The following RYR3 variants were observed in gnomAD, a reference collection of about 807,000 sequenced individuals.
RYR3 encodes the protein ryanodine receptor 3.
A neutral mutation model predicts 584.3 loss-of-function variants in RYR3; 207 were observed. That is an observed-to-expected ratio of 0.35 (90% CI 0.32 to 0.40). The LOEUF is 0.40. Ranked by LOEUF, RYR3 falls within the 10% of genes least tolerant of loss-of-function variation. The pLI, the probability that RYR3 is intolerant of heterozygous loss-of-function variation, is 1.00. For missense variants in RYR3, 5,616 were observed against 6,089.2 expected (o/e 0.92, Z 2.59); for synonymous variants, 2,416 against 2,248.5 (o/e 1.07, Z -2.11).
intron 32 of RYR3, among the ~76,000 whole-genome samples, chr15:33,656,944 G>A (rs966680644): frequency 6.6e-6 from 1 of 152,134 alleles, no homozygotes; most frequent in Non-Finnish European, 1.5e-5. Context: ...AGGCCAAATG[G>A]TTAGTACAAT....
intron 3 of RYR3, among the ~76,000 whole-genome samples, chr15:33,512,773 G>A (rs1595381152): frequency 6.6e-6 from 1 of 152,172 alleles, no homozygotes; most frequent in Non-Finnish European, 1.5e-5. Context: ...TTTGTTGGTG[G>A]TGGTGGTTGT....
intron 60 of RYR3, among the ~76,000 whole-genome samples, chr15:33,765,632 CAAAAAAAAA>C (rs761552773): frequency 3.3e-5 from 2 of 60,952 alleles, no homozygotes; most frequent in African/African-American, 1.1e-4. Context: ...GACTCCGTCT[CAAAAAAAAA>C]AAAAAAAAAA....
At position 33,628,568 on chromosome 15, in the gene RYR3, T is replaced by G; in HGVS notation, c.2672T>G (p.Phe891Cys). 2 of 1,609,302 alleles carry G rather than the reference T, an allele frequency of 1.2e-6. No individual in the cohort carries two copies. Among genetic ancestry groups the G allele is most frequent in the Non-Finnish European group, 8.5e-7 (1 of 1,175,690 alleles). ...GMNKIELGWT[F>C]GKIRDDNKRQ... ...AATAAAATAGAACTTGGCTGGACTT[T>G]CGGCAAGGTATGTGTCTCAGGGCCA... Residue 891 changes from phenylalanine (F) to cysteine (C), a missense_variant, in exon 21 of 104, where the codon TTC (phenylalanine) becomes TGC (cysteine). By Grantham distance (205) the Phe-to-Cys change is radical (BLOSUM62 -2). Around this residue, in one of 9 missense-constraint regions of RYR3, gnomAD observed 1,284 missense variants for 1,344.6 expected, o/e 0.95. Coordinates refer to ENST00000634891, the MANE Select transcript of RYR3 (RefSeq NM_001036.6).
intron 98 of RYR3, chr15:33,856,096 C>T (rs2079629443): frequency 6.6e-6 from 1 of 152,202 alleles, no homozygotes. Flanking sequence ...AGAACTGAGG[C>T]TCAGAGCAGC....
Position 33,748,457 on chromosome 15 carries a change from T to G in RYR3, c.8137-11T>G. The G allele has an allele frequency of 6.2e-7, 1 of 1,612,924 alleles. No individual in the cohort carries two copies. The highest frequency in any genetic ancestry group is 8.5e-7 in the Non-Finnish European group (1 of 1,179,478). Reference sequence around the variant, plus strand: ...AATGGCAACCCAGTGACTCTGCCTTTGCTTTCCTAGGGCAACAGCTACAGT... The same window carrying G: ...AATGGCAACCCAGTGACTCTGCCTTGGCTTTCCTAGGGCAACAGCTACAGT... On this transcript the variant is annotated splice_polypyrimidine_tract_variant and intron_variant, in intron 54 of 103. Coordinates refer to ENST00000634891, the MANE Select transcript of RYR3 (RefSeq NM_001036.6).
At chr15:33,748,671 A>C in intron 55 of RYR3, 141 bp downstream of exon 55, 1 of 745,578 alleles carries the variant, frequency 1.3e-6, no homozygotes. Flanking sequence ...CACCTTGTGC[A>C]GAGGCCACAG....
rs552944294 is a variant in RYR3, at chr15:33,810,415, A to G, written c.10027-64A>G. The G allele has an allele frequency of 6.4e-6, 10 of 1,559,010 alleles. No homozygotes were observed. The South Asian group carries it at 1.2e-4, about 18-fold the overall frequency. On this transcript the variant is annotated intron_variant, in intron 70 of 103. Coordinates refer to ENST00000634891, the MANE Select transcript of RYR3 (RefSeq NM_001036.6). ...CACAAGGAGGCAGGCTGCCTCTGACAGGAGGCCGTTCCTTTGGGAGAATCA... is the reference window on the plus strand; with the variant it reads ...CACAAGGAGGCAGGCTGCCTCTGACGGGAGGCCGTTCCTTTGGGAGAATCA...
intron 94 of RYR3, chr15:33,850,556 A>G (rs1313514532): frequency 1.3e-5 from 2 of 150,326 alleles, no homozygotes; most frequent in Non-Finnish European, 2.9e-5. Context: ...AATGTTAGAT[A>G]GACCAATGTT....
chr15:33,706,606 A>G (rs773350196), intron 42 of RYR3, among the ~76,000 whole-genome samples: 1 of 152,192 alleles, frequency 6.6e-6, no homozygotes, highest in African/African-American at 2.4e-5. Context: ...GTACGTATAT[A>G]TCACGTTTTG....
At chr15:33,738,612 C>T in intron 50 of RYR3, 22 bp downstream of exon 50, 2 of 1,610,672 alleles carry the variant, frequency 1.2e-6, no homozygotes, top group South Asian at 1.1e-5. Context: ...ACTTTCTGAA[C>T]AAAAAGAGAG....
At chr15:33,450,828 G>C (rs1242521123) in intron 1 of RYR3, among the ~76,000 whole-genome samples, 1 of 152,104 alleles carries the variant, frequency 6.6e-6, no homozygotes, top group Non-Finnish European at 1.5e-5. Flanking sequence ...GCAATCCTGT[G>C]TGTCTCCTAT....
chr15:33,854,358 A>T lies in RYR3; in HGVS notation c.13800-31A>T, dbSNP rs115350570. On this transcript the variant is annotated intron_variant, in intron 96 of 103. Coordinates refer to ENST00000634891, the MANE Select transcript of RYR3 (RefSeq NM_001036.6). ...AGCACTTAACTACCTCTTGACATTT[A>T]TAAGTTTTAAAATCACTTGTTCTTC... 3,058 of 1,538,714 alleles carry T rather than the reference A, an allele frequency of 2.0e-3. 61 individuals carry two copies. The African/African-American group carries it at 0.036, about 18-fold the overall frequency.
chr15:33,394,966 A>G (rs1157803292), intron 1 of RYR3, among the ~76,000 whole-genome samples: 2 of 151,714 alleles, frequency 1.3e-5, no homozygotes, highest in African/African-American at 4.8e-5. Context: ...AAAAACACAT[A>G]CTGATACCCG....
At chr15:33,404,823 A>C (rs955756429) in intron 1 of RYR3, among the ~76,000 whole-genome samples, 1 of 152,210 alleles carries the variant, frequency 6.6e-6, no homozygotes, top group African/African-American at 2.4e-5. Flanking sequence ...ATTTGTATAC[A>C]TAACTTTTAT....
In RYR3 at chr15:33,476,270, G is replaced by A. The variant is rs190698956; in HGVS notation, c.171+2732G>A. On this transcript the variant is annotated intron_variant, in intron 2 of 103. Transcript: ENST00000634891. ...TCTGAGAATGCTTTGTATCCCTCAG[G>A]CATAGAAACGATAAGTCATACACTC... 2.4e-4 allele frequency among the ~76,000 whole-genome samples: 37 copies of A among 152,274 alleles called. No individual in the cohort carries two copies. The East Asian group carries it at 6.9e-3, about 29-fold the overall frequency.
chr15:33,462,022 GGTTT>G (rs1212988489), intron 1 of RYR3, among the ~76,000 whole-genome samples: 4 of 152,058 alleles, frequency 2.6e-5, no homozygotes, highest in African/African-American at 4.8e-5. Context: ...TATGTTTTTT[GGTTT>G]GTTTGTTTAA....
intron 1 of RYR3, among the ~76,000 whole-genome samples, chr15:33,465,257 A>G (rs1170293340): frequency 6.6e-6 from 1 of 152,104 alleles, no homozygotes; most frequent in Non-Finnish European, 1.5e-5. Flanking sequence ...ATATATATAT[A>G]CACATATCTG....
intron 1 of RYR3, among the ~76,000 whole-genome samples, chr15:33,455,507 TA>T (rs143968421): frequency 0.21 from 31,337 of 152,000 alleles, 3,834 homozygotes; most frequent in Middle Eastern, 0.31. Flanking sequence ...GTACGTGCCT[TA>T]AAGGCCAAAA....
chr15:33,669,283 C>A, intron 36 of RYR3, 71 bp from the exon 37 acceptor site: 1 of 1,242,464 alleles, frequency 8.0e-7, no homozygotes, highest in Non-Finnish European at 1.2e-6. Context: ...AAGTGTCTGT[C>A]TAAGGCAGGA....
Sources: gnomAD v4.1 joint callset for allele counts (sites outside exome capture counted in the v4.1 genomes callset) on GRCh38, gnomAD v4.1.1 for gene constraint, gnomAD v4.1.1 regional missense constraint, MANE v1.5 for transcripts, NCBI Gene and HGNC (gene_info 2026-07-23, HGNC 2026-07-21) for gene names.